The following MTRF1 variants were observed in gnomAD, a reference collection of about 807,000 sequenced individuals.
The protein encoded by MTRF1 is mitochondrial translation release factor 1.
MTRF1 carries 51 observed loss-of-function variants against 62.9 expected under a neutral mutation model. The observed-to-expected ratio is 0.81, with a 90% CI of 0.65 to 1.02. The LOEUF is 1.02. MTRF1 is among the 50% of genes least tolerant of loss of function. The pLI, the probability that MTRF1 is intolerant of heterozygous loss-of-function variation, is 0.00. For missense variants in MTRF1, 446 were observed against 530.0 expected, an observed-to-expected ratio of 0.84 and a Z score of 1.56; for synonymous variants, 158 against 181.9, an observed-to-expected ratio of 0.87 and a Z score of 1.06.
chr13:41,293,722 A>G, the MTRF1 span, among the ~76,000 whole-genome samples: 1 of 152,222 alleles, frequency 6.6e-6, no homozygotes, highest in African/African-American at 2.4e-5. Flanking sequence ...GAAATAATCT[A>G]GGTTATCTGC....
At chr13:41,249,619 CTTTTTTTTTTTT>C (rs1166204914) in intron 5 of MTRF1, among the ~76,000 whole-genome samples, 30 of 61,544 alleles carry the variant, frequency 4.9e-4, no homozygotes, top group East Asian at 2.6e-3. Context: ...ATTTTTTTTT[CTTTTTTTTTTTT>C]TTTTTTTTTT....
At position 41,240,437 on chromosome 13, in the gene MTRF1, G is replaced by A; in HGVS notation, c.698-4C>T. On this transcript the variant is annotated splice_polypyrimidine_tract_variant and splice_region_variant and intron_variant, in intron 5 of 9. Transcript: ENST00000379480. Reference sequence around the variant, plus strand: ...GCGGCTGCATGATGTAGTCCACCTAGGGGAACAACAATCCAGAAATAGTAA... The same window carrying A: ...GCGGCTGCATGATGTAGTCCACCTAAGGGAACAACAATCCAGAAATAGTAA... The A allele has an allele frequency of 2.5e-6, 4 of 1,610,220 alleles. No individual in the cohort carries two copies. Among genetic ancestry groups the A allele is most frequent in the Non-Finnish European group, 2.5e-6 (3 of 1,178,236 alleles).
At chr13:41,268,954 T>G in the MTRF1 span, among the ~76,000 whole-genome samples, 127 of 151,840 alleles carry the variant, frequency 8.4e-4, no homozygotes, top group East Asian at 8.1e-3. Flanking sequence ...TAAATCCTAT[T>G]CTTGTGACTT....
At chr13:41,265,881 C>T (rs976308737), upstream of MTRF1, among the ~76,000 whole-genome samples, 6 of 152,030 alleles carry the variant, frequency 3.9e-5, no homozygotes, top group African/African-American at 7.2e-5. Flanking sequence ...GGTGGAGTCT[C>T]GCTCTGTCAC....
At chr13:41,229,675 C>T (rs1298177124) in intron 7 of MTRF1, 25 of 152,166 alleles carry the variant, frequency 1.6e-4, no homozygotes, top group Non-Finnish European at 4.4e-5. Context: ...TTTAATTCAT[C>T]TTAAGCTAAT....
At chr13:41,233,784 T>C in intron 7 of MTRF1, 106 bp downstream of exon 7, 2 of 837,932 alleles carry the variant, frequency 2.4e-6, no homozygotes, top group Non-Finnish European at 3.9e-6. Flanking sequence ...GTGACATTTT[T>C]AAAGAGCTGT....
At chr13:41,220,613 C>T (rs1227301684) in intron 9 of MTRF1, 1 of 1,287,886 alleles carries the variant, frequency 7.8e-7, no homozygotes, top group South Asian at 1.2e-5. Flanking sequence ...TGTGCAGGGT[C>T]ACGACTACCA....
chr13:41,287,020 A>T, the MTRF1 span, among the ~76,000 whole-genome samples: 1 of 152,242 alleles, frequency 6.6e-6, no homozygotes, highest in Non-Finnish European at 1.5e-5. Context: ...GTCTTTAAAT[A>T]GTTTAATGCT....
intron 8 of MTRF1, among the ~76,000 whole-genome samples, chr13:41,225,810 A>T (rs1367356373): frequency 1.4e-4 from 3 of 21,804 alleles, no homozygotes; most frequent in Non-Finnish European, 3.9e-4. Flanking sequence ...TCTGTCATTA[A>T]AAAAAAAAAA....
chr13:41,217,803 C>T (rs1467922562), intron 9 of MTRF1, among the ~76,000 whole-genome samples: 1 of 152,198 alleles, frequency 6.6e-6, no homozygotes, highest in Non-Finnish European at 1.5e-5. Flanking sequence ...TGAGAGGAAG[C>T]CTCCCCCGAC....
At chr13:41,304,710 C>G in the MTRF1 span, among the ~76,000 whole-genome samples, 16 of 152,172 alleles carry the variant, frequency 1.1e-4, no homozygotes, top group African/African-American at 2.4e-4. Flanking sequence ...TTGCTTAGAT[C>G]TGATTGCCTG....
At chr13:41,298,879 T>G in the MTRF1 span, among the ~76,000 whole-genome samples, 1 of 152,120 alleles carries the variant, frequency 6.6e-6, no homozygotes, top group African/African-American at 2.4e-5. Flanking sequence ...CAAGAAGTTC[T>G]GTCAAAAGAG....
At chr13:41,255,542 A>C (rs2039596334) in intron 2 of MTRF1, among the ~76,000 whole-genome samples, 1 of 152,138 alleles carries the variant, frequency 6.6e-6, no homozygotes, top group Non-Finnish European at 1.5e-5. Context: ...AAATGCAAAA[A>C]TTATACAGGC....
chr13:41,233,840 G>A (rs764179507), intron 7 of MTRF1, 50 bp downstream of exon 7: 19 of 1,408,904 alleles, frequency 1.3e-5, no homozygotes, highest in South Asian at 1.2e-4. Context: ...TCCAAATGCT[G>A]AGTAAGATGG....
chr13:41,298,599 C>G, the MTRF1 span, among the ~76,000 whole-genome samples: 4 of 152,332 alleles, frequency 2.6e-5, no homozygotes, highest in South Asian at 8.3e-4. Flanking sequence ...TAATCTTTGG[C>G]TTTACTTTCT....
the MTRF1 span, chr13:41,311,109 G>A: frequency 3.7e-6 from 1 of 270,330 alleles, no homozygotes; most frequent in South Asian, 4.6e-5. Context: ...TGAGCCCCAG[G>A]GGGTGCCGAG....
chr13:41,253,315 C>A (rs1026076729), intron 3 of MTRF1, among the ~76,000 whole-genome samples: 1 of 152,124 alleles, frequency 6.6e-6, no homozygotes, highest in Non-Finnish European at 1.5e-5. Context: ...CAGGGTGTTC[C>A]ATTCAATTTT....
chr13:41,249,340 G>A (rs1189817580), intron 5 of MTRF1, among the ~76,000 whole-genome samples: 1 of 152,090 alleles, frequency 6.6e-6, no homozygotes, highest in Non-Finnish European at 1.5e-5. Flanking sequence ...AGGAGATGGA[G>A]ACCATCCTGG....
the MTRF1 span, among the ~76,000 whole-genome samples, chr13:41,292,225 A>G: frequency 6.6e-6 from 1 of 152,202 alleles, no homozygotes; most frequent in Non-Finnish European, 1.5e-5. Flanking sequence ...TACTAATTCA[A>G]GGATAATTGG....
Sources: allele counts gnomAD v4.1 joint callset (sites outside exome capture counted in the v4.1 genomes callset), GRCh38; gene constraint gnomAD v4.1.1; transcripts MANE v1.5; gene names NCBI Gene and HGNC (gene_info 2026-07-23, HGNC 2026-07-21).